Variants in METTL22 observed in about 807,000 individuals in gnomAD.
The protein encoded by METTL22 is methyltransferase-like protein 22.
Under a neutral mutation model 48.4 loss-of-function variants are expected in METTL22, and 51 were observed. The ratio of observed to expected loss-of-function variants is 1.05; its 90% confidence interval spans 0.84 to 1.33. The LOEUF (loss-of-function observed/expected upper bound fraction) is 1.33. Among genes scored for constraint, METTL22 ranks in the 40% most tolerant of loss-of-function variants. The pLI is 0.00. For synonymous variants in METTL22, 255 were observed against 214.1 expected (o/e 1.19, Z -1.67); for missense variants, 678 against 526.9 (o/e 1.29, Z -2.81).
At chr16:8,628,372 AT>A (rs1180326813) in intron 2 of METTL22, among the ~76,000 whole-genome samples, 1 of 152,202 alleles carries the variant, frequency 6.6e-6, no homozygotes, top group Middle Eastern at 3.2e-3. Context: ...CCCTGAGCTC[AT>A]TCCTAAAAGT....
chr16:8,633,378 C>T (rs1292673967), intron 3 of METTL22, among the ~76,000 whole-genome samples: 1 of 152,194 alleles, frequency 6.6e-6, no homozygotes, highest in Non-Finnish European at 1.5e-5. Context: ...CAGTGTATCA[C>T]TTGAGCCCAA....
chr16:8,665,636 G>A, the METTL22 span, among the ~76,000 whole-genome samples: 1 of 152,224 alleles, frequency 6.6e-6, no homozygotes, highest in Admixed American at 6.5e-5. Context: ...GTTTGTAGAA[G>A]AGAAAAACCC....
Position 8,635,307 on chromosome 16 carries a change from G to A in METTL22, c.695G>A (p.Cys232Tyr), listed in dbSNP as rs186953676. The stretch of plus-strand genomic sequence containing the variant: ...GCCACCATGGCACGGACCGTTTATT[G>A]TACAGGTAATGAGGTGACATCTCAG... ...IAATMARTVY[C>Y]TDVGADLLSM... is the part of the protein sequence containing the mutation. Residue 232 changes from cysteine (C) to tyrosine (Y), a missense_variant, in exon 5 of 11, where the codon TGT becomes TAT. By Grantham distance (194) the Cys-to-Tyr change is radical. Coordinates refer to ENST00000381920, the MANE Select transcript of METTL22 (RefSeq NM_024109.4). The A allele has an allele frequency of 2.5e-6, 4 of 1,569,498 alleles. No homozygotes were observed. The highest frequency in any genetic ancestry group is 2.3e-5 in the East Asian group (1 of 44,434).
At chr16:8,634,920 C>G in intron 3 of METTL22, 119 bp from the exon 4 acceptor site, 1 of 1,342,694 alleles carries the variant, frequency 7.4e-7, no homozygotes. Context: ...TAGAACGCCT[C>G]ATTCCAACCT....
intron 3 of METTL22, 64 bp downstream of exon 3, chr16:8,629,174 G>T: frequency 6.4e-7 from 1 of 1,559,288 alleles, no homozygotes; most frequent in South Asian, 1.2e-5. Context: ...ACTGCTCAGG[G>T]CTCAGTATGA....
At chr16:8,640,151 G>A (rs761986820) in intron 6 of METTL22, among the ~76,000 whole-genome samples, 1 of 152,204 alleles carries the variant, frequency 6.6e-6, no homozygotes, top group African/African-American at 2.4e-5. Flanking sequence ...TGTGGGTGCA[G>A]GTACCCTGTC....
the METTL22 span, among the ~76,000 whole-genome samples, chr16:8,666,346 T>A: frequency 6.6e-6 from 1 of 152,344 alleles, no homozygotes; most frequent in African/African-American, 2.4e-5. Context: ...ATTTGCTAGA[T>A]AACCCACACC....
rs545683333 is a variant in METTL22 at position 8,648,198 on chromosome 16, C to G, written c.*2055C>G. 2.0e-5 allele frequency: 3 copies of G among 152,400 alleles called. No individual in the cohort carries two copies. Among genetic ancestry groups the G allele is most frequent in the African/African-American group, 7.2e-5 (3 of 41,462 alleles). 9.4% of individuals were successfully genotyped at this position (152,400 alleles called of 1,614,324 possible). ...CCAATTAGTCTGGCATGGTGGTTTGCGCCTGCAGTCCCAGCTACTTGGGAG... is the reference window on the plus strand; with the variant it reads ...CCAATTAGTCTGGCATGGTGGTTTGGGCCTGCAGTCCCAGCTACTTGGGAG... On this transcript the variant is annotated 3_prime_UTR_variant, in exon 11 of 11. Coordinates refer to ENST00000381920, the MANE Select transcript of METTL22 (RefSeq NM_024109.4).
At chr16:8,630,714 C>G (rs936856573) in intron 3 of METTL22, among the ~76,000 whole-genome samples, 6 of 152,120 alleles carry the variant, frequency 3.9e-5, no homozygotes, top group Admixed American at 3.3e-4. Flanking sequence ...GGCCTGTGAC[C>G]AGCTTCCCCT....
downstream of METTL22, among the ~76,000 whole-genome samples, chr16:8,650,781 T>A (rs1448453801): frequency 1.3e-5 from 2 of 152,198 alleles, no homozygotes; most frequent in African/African-American, 4.8e-5. Flanking sequence ...TCCCGGCACT[T>A]TGGGAGGCCA....
At chr16:8,652,053 T>A (rs1443974455), downstream of METTL22, among the ~76,000 whole-genome samples, 1 of 152,172 alleles carries the variant, frequency 6.6e-6, no homozygotes, top group Non-Finnish European at 1.5e-5. Context: ...AAGTCATGCT[T>A]TATCCTGCTG....
At chr16:8,666,085 T>C in the METTL22 span, among the ~76,000 whole-genome samples, 1 of 152,180 alleles carries the variant, frequency 6.6e-6, no homozygotes, top group African/African-American at 2.4e-5. Flanking sequence ...CACCTGCCTC[T>C]ATCATCTGAG....
rs1280636652 is a variant in METTL22, at chr16:8,646,375, T to G, written c.*232T>G. The stretch of plus-strand genomic sequence containing the variant: ...CACTTTAGTTGCCTGTTTCTCATGG[T>G]TGTGATGTGTGCTCCAGGGTCAAGC... On this transcript the variant is annotated 3_prime_UTR_variant, in exon 11 of 11. Coordinates refer to ENST00000381920, the MANE Select transcript of METTL22 (RefSeq NM_024109.4). 8.6e-6 allele frequency: 6 copies of G among 700,014 alleles called. No individual in the cohort carries two copies. The East Asian group carries it at 1.4e-4, about 16-fold the overall frequency. The allele number at this position is 700,014 out of a possible 1,614,324, so 43.4% of individuals were successfully genotyped here.
At chr16:8,657,824 C>CTTTTTTTTT in the METTL22 span, among the ~76,000 whole-genome samples, 3 of 137,428 alleles carry the variant, frequency 2.2e-5, no homozygotes, top group African/African-American at 8.7e-5. Flanking sequence ...TCTTTTCTTT[C>CTTTTTTTTT]TTTTTTTTTT....
chr16:8,659,304 C>T, the METTL22 span, among the ~76,000 whole-genome samples: 1 of 151,026 alleles, frequency 6.6e-6, no homozygotes, highest in Non-Finnish European at 1.5e-5. Context: ...GTACTCTAGC[C>T]TGGGCAACAG....
the METTL22 span, among the ~76,000 whole-genome samples, chr16:8,655,554 G>T: frequency 1.3e-5 from 2 of 152,222 alleles, no homozygotes; most frequent in Non-Finnish European, 2.9e-5. Flanking sequence ...TTCTTCAGAA[G>T]TGAGTCACTA....
the METTL22 span, among the ~76,000 whole-genome samples, chr16:8,659,757 C>G: frequency 6.6e-6 from 1 of 151,814 alleles, no homozygotes; most frequent in Non-Finnish European, 1.5e-5. Flanking sequence ...AGCGTCTTAC[C>G]TTGTTACCCA....
At chr16:8,631,889 C>A (rs2056275487) in intron 3 of METTL22, 1 of 152,240 alleles carries the variant, frequency 6.6e-6, no homozygotes, top group African/African-American at 2.4e-5. Context: ...CCTAAGTCAC[C>A]TGGGCCTCCA....
chr16:8,644,613 G>C lies in METTL22; in HGVS notation c.1067G>C (p.Arg356Pro). 1 of 1,604,762 alleles carries C rather than the reference G, an allele frequency of 6.2e-7. No homozygotes were observed. Among genetic ancestry groups the C allele is most frequent in the Non-Finnish European group, 8.5e-7 (1 of 1,175,684 alleles). Reference sequence around the variant, plus strand: ...ACATGTGAAGCCTACGATCACTTCCGCTCCTGCCTGCACGCGCTGGAGCAG... The same window carrying C: ...ACATGTGAAGCCTACGATCACTTCCCCTCCTGCCTGCACGCGCTGGAGCAG... ...DVTCEAYDHF[R>P]SCLHALEQLA... The change falls in exon 10 of 11, where the codon CGC becomes CCC. Residue 356 changes from arginine (R) to proline (P), a missense_variant. Arg to Pro is a moderately radical substitution (Grantham distance 103). Coordinates refer to ENST00000381920, the MANE Select transcript of METTL22 (RefSeq NM_024109.4).
Sources: gnomAD v4.1 joint callset for allele counts (sites outside exome capture counted in the v4.1 genomes callset) on GRCh38, gnomAD v4.1.1 for gene constraint, MANE v1.5 for transcripts, NCBI Gene and HGNC (gene_info 2026-07-23, HGNC 2026-07-21) for gene names.